The following PCDH15 variants were observed in gnomAD, a reference collection of about 807,000 sequenced individuals.
The protein encoded by PCDH15 is protocadherin-15.
Under a neutral mutation model 178.5 loss-of-function variants are expected in PCDH15, and 129 were observed. That is an observed-to-expected ratio of 0.72 (90% CI 0.63 to 0.84). The LOEUF (loss-of-function observed/expected upper bound fraction) is 0.84. Ranked by LOEUF, PCDH15 falls within the 40% of genes least tolerant of loss-of-function variation. PCDH15 has a pLI of 0.00. For missense variants in PCDH15, 2,230 were observed against 2,099.9 expected (o/e 1.06, Z -1.21); for synonymous variants, 800 against 732.0 (o/e 1.09, Z -1.50).
At chr10:54,041,644 G>A (rs181811245) in intron 18 of PCDH15, among the ~76,000 whole-genome samples, 1 of 152,010 alleles carries the variant, frequency 6.6e-6, no homozygotes, top group East Asian at 1.9e-4. Context: ...AAAATATTAA[G>A]TTACGAAAAT....
intron 10 of PCDH15, among the ~76,000 whole-genome samples, chr10:54,205,951 T>C (rs2050750629): frequency 6.6e-6 from 1 of 152,116 alleles, no homozygotes; most frequent in Non-Finnish European, 1.5e-5. Context: ...AAATACCTTT[T>C]TTTGTATGAC....
At chr10:55,288,543 C>T (rs975158720) in intron 1 of PCDH15, among the ~76,000 whole-genome samples, 1 of 151,910 alleles carries the variant, frequency 6.6e-6, no homozygotes, top group African/African-American at 2.4e-5. Context: ...CTTCTCCCTC[C>T]TCCAGCAACC....
intron 3 of PCDH15, among the ~76,000 whole-genome samples, chr10:54,473,629 T>C (rs2136739612): frequency 6.6e-6 from 1 of 152,178 alleles, no homozygotes; most frequent in Admixed American, 6.6e-5. Context: ...TAAAATACCA[T>C]GCTGTCTTCA....
In PCDH15 at chr10:54,132,897, C is replaced by G. The variant is rs2042563299; in HGVS notation, c.1895G>C (p.Gly632Ala). 1.2e-6 allele frequency: 2 copies of G among 1,613,668 alleles called. No individual in the cohort carries two copies. Among genetic ancestry groups the G allele is most frequent in the Non-Finnish European group, 8.5e-7 (1 of 1,179,852 alleles). Reference protein sequence around the residue: ...SLEISEAMRVGAVLLNLQATD... With the variant: ...SLEISEAMRVAAVLLNLQATD... Reference sequence around the variant, plus strand: ...TACCTGTAGATTTAATAAAACAGCACCAACCCTCATGGCTTCACTAATTTC... The same window carrying G: ...TACCTGTAGATTTAATAAAACAGCAGCAACCCTCATGGCTTCACTAATTTC... Residue 632 changes from glycine (G) to alanine (A), a missense_variant, in exon 15 of 38, where the codon GGT becomes GCT. Transcript: ENST00000644397.
intron 2 of PCDH15, among the ~76,000 whole-genome samples, chr10:54,972,497 G>A (rs927663277): frequency 6.6e-6 from 1 of 151,278 alleles, no homozygotes; most frequent in Non-Finnish European, 1.5e-5. Flanking sequence ...CTGAGATCGC[G>A]TTATTGCACT....
intron 1 of PCDH15, among the ~76,000 whole-genome samples, chr10:55,222,252 G>A (rs1028555380): frequency 6.6e-6 from 1 of 151,864 alleles, no homozygotes; most frequent in Non-Finnish European, 1.5e-5. Context: ...AATTGTTCCT[G>A]ATAAGCTAGT....
intron 1 of PCDH15, among the ~76,000 whole-genome samples, chr10:55,285,292 G>T (rs191032925): frequency 1.3e-5 from 2 of 149,648 alleles, no homozygotes; most frequent in South Asian, 4.2e-4. Flanking sequence ...TTTTAAAAAT[G>T]GTATTCTTCC....
chr10:55,472,820 G>A (rs563818296), intron 2 of PCDH15, among the ~76,000 whole-genome samples: 138 of 152,194 alleles, frequency 9.1e-4, no homozygotes, highest in South Asian at 4.6e-3. Flanking sequence ...CACCCGACTC[G>A]GCCTCCCAAA....
chr10:55,199,259 T>C (rs1237227992), intron 1 of PCDH15, among the ~76,000 whole-genome samples: 13 of 152,164 alleles, frequency 8.5e-5, no homozygotes, highest in Non-Finnish European at 5.9e-5. Context: ...AAAAAGTTAT[T>C]GGGAAACGGA....
chr10:53,914,518 A>G (rs1421528437), intron 25 of PCDH15, among the ~76,000 whole-genome samples: 1 of 152,340 alleles, frequency 6.6e-6, no homozygotes, highest in East Asian at 1.9e-4. Context: ...GCAGGGACAG[A>G]AATCCAAACA....
chr10:54,939,222 T>C (rs1369762603), intron 2 of PCDH15, among the ~76,000 whole-genome samples: 1 of 151,754 alleles, frequency 6.6e-6, no homozygotes, highest in Non-Finnish European at 1.5e-5. Flanking sequence ...AGGCCGGGCG[T>C]GGTGGCTCAC....
intron 3 of PCDH15, among the ~76,000 whole-genome samples, chr10:54,817,969 G>A (rs1282105908): frequency 6.6e-6 from 1 of 151,932 alleles, no homozygotes; most frequent in Non-Finnish European, 1.5e-5. Context: ...GGCAGTATTA[G>A]GGAAGGGACA....
intron 2 of PCDH15, among the ~76,000 whole-genome samples, chr10:55,001,631 C>T (rs983953041): frequency 1.3e-5 from 2 of 152,186 alleles, no homozygotes; most frequent in Non-Finnish European, 2.9e-5. Flanking sequence ...TGGCTGTGTA[C>T]AGTGGTAAGA....
At chr10:55,609,571 C>T (rs934222626) in intron 2 of PCDH15, among the ~76,000 whole-genome samples, 1 of 152,022 alleles carries the variant, frequency 6.6e-6, no homozygotes, top group Non-Finnish European at 1.5e-5. Flanking sequence ...AAATGAAAGG[C>T]CTCTTCATTT....
At chr10:54,842,806 G>T (rs1435650075) in intron 3 of PCDH15, among the ~76,000 whole-genome samples, 1 of 151,892 alleles carries the variant, frequency 6.6e-6, no homozygotes, top group Admixed American at 6.6e-5. Context: ...TTTGGATAAT[G>T]AAAGTCTTAT....
chr10:54,344,640 C>T (rs1022572639), intron 6 of PCDH15, among the ~76,000 whole-genome samples: 59 of 151,916 alleles, frequency 3.9e-4, no homozygotes, highest in Admixed American at 5.9e-4. Context: ...AGAAACATGG[C>T]GCACACGTAC....
At chr10:54,914,396 A>G (rs1377992) in intron 2 of PCDH15, among the ~76,000 whole-genome samples, 151,667 of 152,234 alleles carry the variant, frequency 1, 75,551 homozygotes, top group Non-Finnish European at 1. Flanking sequence ...AAGTTTTGCA[A>G]TGATGGGCCA....
At chr10:54,880,361 C>T (rs902688730) in intron 3 of PCDH15, among the ~76,000 whole-genome samples, 1 of 151,942 alleles carries the variant, frequency 6.6e-6, no homozygotes, top group Non-Finnish European at 1.5e-5. Flanking sequence ...ATTTTGATGC[C>T]TCCCCACTCC....
intron 13 of PCDH15, among the ~76,000 whole-genome samples, chr10:54,167,048 G>T (rs561177249): frequency 5.9e-5 from 9 of 152,058 alleles, no homozygotes; most frequent in African/African-American, 1.7e-4. Flanking sequence ...GACTCAGCCC[G>T]CCTGCACCTG....
Sources: gnomAD v4.1 joint callset for allele counts (sites outside exome capture counted in the v4.1 genomes callset) on GRCh38, gnomAD v4.1.1 for gene constraint, MANE v1.5 for transcripts, NCBI Gene and HGNC (gene_info 2026-07-23, HGNC 2026-07-21) for gene names.